MACROD2: variants seen among roughly 807,000 people sequenced by gnomAD.
MACROD2 encodes ADP-ribose glycohydrolase MACROD2.
MACROD2 carries 36 observed loss-of-function variants against 70.4 expected under a neutral mutation model. That is an observed-to-expected ratio of 0.51 (90% confidence interval 0.39 to 0.68). The LOEUF (loss-of-function observed/expected upper bound fraction) is 0.68. MACROD2 is among the 30% of genes least tolerant of loss of function. The probability of loss-of-function intolerance (pLI) is 0.00; values close to 1 mark genes in which losing one functional copy is unlikely to be tolerated. For missense variants in MACROD2, 496 were observed against 538.4 expected, an observed-to-expected ratio of 0.92 and a Z score of 0.78; for synonymous variants, 172 against 178.8, an observed-to-expected ratio of 0.96 and a Z score of 0.30.
At chr20:15,198,882 C>T (rs2076630254) in intron 5 of MACROD2, among the ~76,000 whole-genome samples, 1 of 152,158 alleles carries the variant, frequency 6.6e-6, no homozygotes, top group Non-Finnish European at 1.5e-5. Flanking sequence ...TATCTCATGG[C>T]CTCCTGACTG....
At chr20:14,065,854 G>C (rs978611893) in intron 2 of MACROD2, among the ~76,000 whole-genome samples, 3 of 152,146 alleles carry the variant, frequency 2.0e-5, no homozygotes, top group Non-Finnish European at 2.9e-5. Flanking sequence ...CACAAACAGA[G>C]ATGCTCTTTT....
At position 14,818,419 on chromosome 20, in the gene MACROD2, CTG is replaced by C. The variant is rs1272899167; in HGVS notation, c.418+133461_418+133462del. On this transcript the variant is annotated intron_variant, in intron 5 of 17. Coordinates refer to ENST00000684519, the MANE Select transcript of MACROD2 (RefSeq NM_001351661.2). ...TTTCTCTGTCTTAGCCCGCTGGTCT[CTG>C]AGTACCCCCCTGAAGATGCATTCAT... 2.0e-5 allele frequency among the ~76,000 whole-genome samples: 3 copies of C among 152,222 alleles called. No homozygotes were observed. In the South Asian group the frequency reaches 6.2e-4, roughly 32 times the overall value.
At chr20:14,601,990 C>T (rs1040750188) in intron 4 of MACROD2, among the ~76,000 whole-genome samples, 1 of 152,170 alleles carries the variant, frequency 6.6e-6, no homozygotes, top group Non-Finnish European at 1.5e-5. Flanking sequence ...TATTTCTCCT[C>T]CTTGACGCTC....
chr20:14,478,876 G>A (rs1259519470), intron 3 of MACROD2, among the ~76,000 whole-genome samples: 3 of 151,952 alleles, frequency 2.0e-5, no homozygotes, highest in Admixed American at 6.6e-5. Flanking sequence ...GGTGCTGGTG[G>A]GGCTCCCAGG....
At chr20:14,161,575 G>GTTTTTTTTTTTTTTT (rs369321102) in intron 3 of MACROD2, among the ~76,000 whole-genome samples, 1 of 136,210 alleles carries the variant, frequency 7.3e-6, no homozygotes, top group Non-Finnish European at 1.6e-5. Context: ...AGACCCTTTG[G>GTTTTTTTTTTTTTTT]TTTTTTTTTT....
intron 15 of MACROD2, among the ~76,000 whole-genome samples, chr20:15,998,366 A>C (rs1301791643): frequency 6.6e-6 from 1 of 152,110 alleles, no homozygotes; most frequent in East Asian, 1.9e-4. Flanking sequence ...ACTCATTACT[A>C]GTCTATTCAG....
intron 5 of MACROD2, among the ~76,000 whole-genome samples, chr20:14,912,499 A>G (rs1302606727): frequency 6.6e-6 from 1 of 152,154 alleles, no homozygotes; most frequent in African/African-American, 2.4e-5. Flanking sequence ...GGGGCATGCC[A>G]GCTAGTCTTC....
intron 2 of MACROD2, among the ~76,000 whole-genome samples, chr20:14,070,457 T>C (rs10485771): frequency 0.18 from 27,409 of 152,092 alleles, 2,698 homozygotes; most frequent in South Asian, 0.26. Context: ...TCCCTGATTG[T>C]ATATCCGTAA....
At chr20:14,777,262 T>G (rs1248879680) in intron 5 of MACROD2, among the ~76,000 whole-genome samples, 1 of 152,048 alleles carries the variant, frequency 6.6e-6, no homozygotes, top group Non-Finnish European at 1.5e-5. Flanking sequence ...AGCTGTGTAC[T>G]GGGTTGTTTT....
intron 5 of MACROD2, among the ~76,000 whole-genome samples, chr20:14,995,140 A>G (rs940963180): frequency 6.6e-5 from 10 of 152,180 alleles, no homozygotes; most frequent in Non-Finnish European, 1.2e-4. Context: ...TGTGTACACA[A>G]AATGCATTTG....
At chr20:15,130,956 CA>C (rs528469913) in intron 5 of MACROD2, among the ~76,000 whole-genome samples, 156 of 152,138 alleles carry the variant, frequency 1.0e-3, no homozygotes, top group African/African-American at 3.6e-3. Context: ...AAAATAATTA[CA>C]AAACCAGAGA....
At chr20:15,871,609 G>A (rs1601028240) in intron 9 of MACROD2, among the ~76,000 whole-genome samples, 1 of 152,188 alleles carries the variant, frequency 6.6e-6, no homozygotes, top group East Asian at 1.9e-4. Context: ...AGGCAAATGT[G>A]TATGAGGACC....
intron 4 of MACROD2, among the ~76,000 whole-genome samples, chr20:14,619,338 A>G (rs1983665382): frequency 6.9e-6 from 1 of 144,332 alleles, no homozygotes; most frequent in African/African-American, 2.6e-5. Context: ...GAAGAAAGAA[A>G]GAGAGAGGAA....
intron 8 of MACROD2, among the ~76,000 whole-genome samples, chr20:15,848,960 T>C (rs535075118): frequency 6.6e-6 from 1 of 152,310 alleles, no homozygotes; most frequent in Non-Finnish European, 1.5e-5. Flanking sequence ...TGTTCCTCTA[T>C]CTGGCATTTA....
chr20:15,101,833 A>G (rs1169772362), intron 5 of MACROD2, among the ~76,000 whole-genome samples: 1 of 152,014 alleles, frequency 6.6e-6, no homozygotes, highest in African/African-American at 2.4e-5. Context: ...AGTATTGATT[A>G]TTTAATATGA....
At chr20:15,808,351 C>T (rs2063788086) in intron 8 of MACROD2, among the ~76,000 whole-genome samples, 1 of 152,152 alleles carries the variant, frequency 6.6e-6, no homozygotes, top group South Asian at 2.1e-4. Context: ...ATTCACCTAA[C>T]AACATTGTAC....
At chr20:15,817,816 C>T (rs1423565085) in intron 8 of MACROD2, among the ~76,000 whole-genome samples, 1 of 152,118 alleles carries the variant, frequency 6.6e-6, no homozygotes, top group South Asian at 2.1e-4. Context: ...TCTTTCCTCC[C>T]TAATTAGTTT....
chr20:16,004,341 G>A (rs2066757516), intron 15 of MACROD2, among the ~76,000 whole-genome samples: 1 of 152,184 alleles, frequency 6.6e-6, no homozygotes, highest in African/African-American at 2.4e-5. Flanking sequence ...GAAGAGTACA[G>A]AACCAAGGAC....
intron 2 of MACROD2, among the ~76,000 whole-genome samples, chr20:14,085,326 T>G (rs989863690): frequency 1.3e-4 from 20 of 152,134 alleles, no homozygotes; most frequent in African/African-American, 4.6e-4. Context: ...GTACATAATT[T>G]TATTTTAGAA....
Sources: gnomAD v4.1 joint callset for allele counts (sites outside exome capture counted in the v4.1 genomes callset) on GRCh38, gnomAD v4.1.1 for gene constraint, MANE v1.5 for transcripts, NCBI Gene and HGNC (gene_info 2026-07-23, HGNC 2026-07-21) for gene names.